Variants in BRINP3 observed in about 807,000 individuals in gnomAD.
The protein encoded by BRINP3 is BMP/retinoic acid-inducible neural-specific protein 3.
A neutral mutation model predicts 71.0 loss-of-function variants in BRINP3; 19 were observed. The ratio of observed to expected loss-of-function variants is 0.27; its 90% CI spans 0.19 to 0.39. The LOEUF (loss-of-function observed/expected upper bound fraction) is 0.39. Ranked by LOEUF, BRINP3 falls within the 10% of genes least tolerant of loss-of-function variation. The pLI is 1.00. For missense variants in BRINP3, 959 were observed against 940.8 expected (o/e 1.02, Z -0.25); for synonymous variants, 380 against 337.7 (o/e 1.13, Z -1.37).
chr1:190,247,300 T>C (rs1441955333), intron 4 of BRINP3, among the ~76,000 whole-genome samples: 1 of 151,872 alleles, frequency 6.6e-6, no homozygotes, highest in Non-Finnish European at 1.5e-5. Context: ...GCAATACCTG[T>C]GGAAGGAACT....
At chr1:190,285,341 G>C (rs1486907137) in intron 2 of BRINP3, among the ~76,000 whole-genome samples, 1 of 152,110 alleles carries the variant, frequency 6.6e-6, no homozygotes, top group Non-Finnish European at 1.5e-5. Flanking sequence ...TGAATTGTGA[G>C]CATGTATGTA....
intron 2 of BRINP3, among the ~76,000 whole-genome samples, chr1:190,449,485 G>A (rs1675459427): frequency 6.6e-6 from 1 of 151,958 alleles, no homozygotes; most frequent in Non-Finnish European, 1.5e-5. Flanking sequence ...TCTCCCTTCA[G>A]TAAAAGCATG....
intron 7 of BRINP3, among the ~76,000 whole-genome samples, chr1:190,153,351 C>T (rs1656584733): frequency 6.6e-6 from 1 of 151,964 alleles, no homozygotes; most frequent in South Asian, 2.1e-4. Flanking sequence ...TTAGAAAATA[C>T]CTACACACAA....
At chr1:190,351,380 A>G (rs1668375075) in intron 2 of BRINP3, among the ~76,000 whole-genome samples, 1 of 152,058 alleles carries the variant, frequency 6.6e-6, no homozygotes. Flanking sequence ...AATACTTGTA[A>G]TTTTTTCAAT....
chr1:190,355,901 C>T (rs1331637929), intron 2 of BRINP3, among the ~76,000 whole-genome samples: 2 of 151,878 alleles, frequency 1.3e-5, no homozygotes, highest in Admixed American at 6.6e-5. Context: ...GATTGCATTT[C>T]TAAGCCAAAT....
intron 7 of BRINP3, chr1:190,154,060 A>G (rs1656654446): frequency 2.1e-6 from 2 of 962,234 alleles, no homozygotes; most frequent in Admixed American, 6.2e-5. Flanking sequence ...GTTCTTCACA[A>G]GTTTTTTCAG....
chr1:190,422,701 T>A (rs1171041), intron 2 of BRINP3, among the ~76,000 whole-genome samples: 62,976 of 151,598 alleles, frequency 0.42, 13,624 homozygotes, highest in Non-Finnish European at 0.48. Context: ...TGAAGTTCGC[T>A]TTTTGAAGCG....
chr1:190,267,653 A>C (rs570977580), intron 3 of BRINP3, among the ~76,000 whole-genome samples: 2 of 152,104 alleles, frequency 1.3e-5, no homozygotes, highest in Non-Finnish European at 2.9e-5. Context: ...AGGAGAAAAA[A>C]CACCGATTAG....
At chr1:190,327,326 CA>C (rs1227478693) in intron 2 of BRINP3, among the ~76,000 whole-genome samples, 422 of 44,218 alleles carry the variant, frequency 9.5e-3, no homozygotes, top group African/African-American at 0.016. Context: ...AAAAAAAGAA[CA>C]AAAAAAAAAA....
chr1:190,300,200 A>G (rs1664571875), intron 2 of BRINP3, among the ~76,000 whole-genome samples: 1 of 152,018 alleles, frequency 6.6e-6, no homozygotes, highest in Non-Finnish European at 1.5e-5. Context: ...TCAGACATAG[A>G]TTTGGTCTTT....
chr1:190,122,426 C>T (rs1202471736), intron 7 of BRINP3, among the ~76,000 whole-genome samples: 1 of 151,856 alleles, frequency 6.6e-6, no homozygotes, highest in African/African-American at 2.4e-5. Context: ...TAAATTCAAG[C>T]CCTTATAAGA....
intron 2 of BRINP3, 42 bp from the exon 3 acceptor site, chr1:190,281,792 TC>T: frequency 6.4e-7 from 1 of 1,559,106 alleles, no homozygotes. Context: ...GCATAATCTA[TC>T]TGAATGTTTT....
intron 1 of BRINP3, among the ~76,000 whole-genome samples, chr1:190,455,185 A>G (rs1216314231): frequency 5.9e-5 from 9 of 152,146 alleles, no homozygotes; most frequent in African/African-American, 2.2e-4. Context: ...TAACAATTTT[A>G]TTCAGTGGAT....
At chr1:190,378,711 A>C (rs12035557) in intron 2 of BRINP3, among the ~76,000 whole-genome samples, 27,735 of 152,100 alleles carry the variant, frequency 0.18, 2,531 homozygotes, top group Middle Eastern at 0.22. Flanking sequence ...CTATCCAGTA[A>C]ATTTTTTTGC....
At chr1:190,112,843 C>T (rs1473327150) in intron 7 of BRINP3, among the ~76,000 whole-genome samples, 2 of 152,128 alleles carry the variant, frequency 1.3e-5, no homozygotes, top group Non-Finnish European at 2.9e-5. Context: ...TGAAACATTA[C>T]ATTCCCCAGG....
Position 190,177,149 on chromosome 1 carries a change from T to A in BRINP3, c.962-16259A>T, listed in dbSNP as rs548183515. Reference sequence around the variant, plus strand: ...TTGGTTTGTCATGGAAGCACCCACTTCTTTTTTTTTTTTTTTTTTTTTTTT... The same window carrying A: ...TTGGTTTGTCATGGAAGCACCCACTACTTTTTTTTTTTTTTTTTTTTTTTT... On this transcript the variant is annotated intron_variant, in intron 6 of 7. Coordinates refer to ENST00000367462, the MANE Select transcript of BRINP3 (RefSeq NM_199051.3). Among the ~76,000 whole-genome samples, 9 of 137,272 alleles carry A rather than the reference T, an allele frequency of 6.6e-5. No individual in the cohort carries two copies. In the East Asian group the frequency reaches 8.6e-4, roughly 13 times the overall value. The allele number at this position is 137,272 out of a possible 152,430, so 90.1% of individuals were successfully genotyped here.
At chr1:190,174,118 C>G (rs972898042) in intron 6 of BRINP3, among the ~76,000 whole-genome samples, 1 of 152,134 alleles carries the variant, frequency 6.6e-6, no homozygotes, top group African/African-American at 2.4e-5. Context: ...AATCACTTTT[C>G]ATGCTTGTAA....
chr1:190,182,111 ATTTAT>A (rs1482953569), intron 6 of BRINP3, among the ~76,000 whole-genome samples: 2 of 151,726 alleles, frequency 1.3e-5, no homozygotes, highest in African/African-American at 4.8e-5. Flanking sequence ...TGTTTACAAG[ATTTAT>A]TTTCTTTGTA....
chr1:190,292,551 G>A (rs999637657), intron 2 of BRINP3, among the ~76,000 whole-genome samples: 1 of 152,068 alleles, frequency 6.6e-6, no homozygotes, highest in African/African-American at 2.4e-5. Context: ...AAGAGGCTGA[G>A]AAGGGAAGGG....
Sources: allele counts gnomAD v4.1 joint callset (sites outside exome capture counted in the v4.1 genomes callset), GRCh38; gene constraint gnomAD v4.1.1; transcripts MANE v1.5; gene names NCBI Gene and HGNC (gene_info 2026-07-23, HGNC 2026-07-21).